Variants in LINGO2 observed in about 807,000 individuals in gnomAD.
LINGO2 encodes leucine-rich repeat and immunoglobulin-like domain-containing nogo receptor-interacting protein 2.
Under a neutral mutation model 30.6 loss-of-function variants are expected in LINGO2, and 14 were observed. The observed-to-expected ratio is 0.46, with a 90% CI of 0.30 to 0.72. LINGO2 has a LOEUF of 0.72. LINGO2 is among the 30% of genes least tolerant of loss of function. LINGO2 has a pLI of 0.07. For synonymous variants in LINGO2, 317 were observed against 288.5 expected (o/e 1.10, Z -1.00); for missense variants, 729 against 751.7 (o/e 0.97, Z 0.35).
At position 28,147,365 on chromosome 9, in the gene LINGO2, G is replaced by T. The variant is rs922385390; in HGVS notation, c.-86-134960C>A. On this transcript the variant is annotated intron_variant, in intron 4 of 5. Transcript: ENST00000379992. This position sits in a 1 kb window ranked among gnomAD's most constrained non-coding sequence, Gnocchi z 4.7. ...TTTGTAAAAAGTGGAGACCCTGCCT[G>T]CCAGGGAGGCATGTGGTAAGAGGCG... is the stretch of plus-strand genomic sequence containing the variant. 2.6e-5 allele frequency among the ~76,000 whole-genome samples: 4 copies of T among 152,216 alleles called. No individual in the cohort carries two copies. The highest frequency in any genetic ancestry group is 5.9e-5 in the Non-Finnish European group (4 of 68,022).
intron 1 of LINGO2, among the ~76,000 whole-genome samples, chr9:28,582,614 A>T (rs775063852): frequency 2.6e-5 from 4 of 152,058 alleles, no homozygotes; most frequent in Non-Finnish European, 4.4e-5. Context: ...CCACTCTAAC[A>T]TAGCTAAAGT....
At chr9:28,607,440 A>C (rs574346323) in intron 1 of LINGO2, among the ~76,000 whole-genome samples, 3 of 152,156 alleles carry the variant, frequency 2.0e-5, no homozygotes, top group Non-Finnish European at 4.4e-5. Context: ...ACAAATGCTA[A>C]AAATAGAACT....
At chr9:28,718,913 T>C in the LINGO2 span, among the ~76,000 whole-genome samples, 1 of 152,184 alleles carries the variant, frequency 6.6e-6, no homozygotes, top group South Asian at 2.1e-4. Flanking sequence ...CTTCTAGGTC[T>C]GTAACACTGT....
At chr9:27,955,798 T>C (rs1048978538) in intron 5 of LINGO2, among the ~76,000 whole-genome samples, 5 of 152,106 alleles carry the variant, frequency 3.3e-5, no homozygotes, top group Admixed American at 2.6e-4. Flanking sequence ...TATATACCTA[T>C]ATATAGGGTA....
At chr9:28,064,746 C>T (rs989330456) in intron 4 of LINGO2, among the ~76,000 whole-genome samples, 1 of 152,088 alleles carries the variant, frequency 6.6e-6, no homozygotes, top group African/African-American at 2.4e-5. Flanking sequence ...AAGGGGCTCA[C>T]TTCCTAATTA....
chr9:29,213,396 G>A, the LINGO2 span, among the ~76,000 whole-genome samples: 1 of 152,162 alleles, frequency 6.6e-6, no homozygotes, highest in Non-Finnish European at 1.5e-5. Flanking sequence ...GCACAGCTTC[G>A]GAACACCGTC....
At chr9:29,106,695 T>A in the LINGO2 span, among the ~76,000 whole-genome samples, 6,264 of 152,248 alleles carry the variant, frequency 0.041, 197 homozygotes, top group Admixed American at 0.08. Context: ...ATAATTGTAT[T>A]AATAACTATT....
chr9:28,822,077 G>A, the LINGO2 span, among the ~76,000 whole-genome samples: 1 of 152,088 alleles, frequency 6.6e-6, no homozygotes. Flanking sequence ...ATGACTCATA[G>A]GTGGCCGAAC....
At chr9:28,461,266 C>T (rs1825069438) in intron 2 of LINGO2, among the ~76,000 whole-genome samples, 1 of 152,060 alleles carries the variant, frequency 6.6e-6, no homozygotes, top group Non-Finnish European at 1.5e-5. Flanking sequence ...AATTCTTGAT[C>T]TGCCTCACTA....
the LINGO2 span, among the ~76,000 whole-genome samples, chr9:29,175,631 A>T: frequency 2.0e-5 from 3 of 147,460 alleles, no homozygotes; most frequent in Non-Finnish European, 4.4e-5. Context: ...GGTTCAAGCG[A>T]TTATCCTGTC....
the LINGO2 span, among the ~76,000 whole-genome samples, chr9:28,809,436 C>T: frequency 2.0e-5 from 3 of 152,176 alleles, no homozygotes; most frequent in African/African-American, 7.2e-5. Flanking sequence ...CTAGCACTGC[C>T]TGGGTGATCT....
chr9:28,467,038 G>GC (rs923366088), intron 2 of LINGO2, among the ~76,000 whole-genome samples: 1 of 149,484 alleles, frequency 6.7e-6, no homozygotes, highest in Non-Finnish European at 1.5e-5. Context: ...TTTTTTTTGG[G>GC]GGGGGGGGAC....
At chr9:28,179,452 T>C (rs993605546) in intron 4 of LINGO2, among the ~76,000 whole-genome samples, 2 of 138,328 alleles carry the variant, frequency 1.4e-5, no homozygotes, top group South Asian at 2.2e-4. Flanking sequence ...AGTATACATA[T>C]ACTATAGTGT....
At chr9:28,753,863 A>G in the LINGO2 span, among the ~76,000 whole-genome samples, 118 of 152,192 alleles carry the variant, frequency 7.8e-4, 1 homozygote, top group African/African-American at 2.7e-3. Flanking sequence ...ACGTATGTAA[A>G]GCACCTAGCA....
At chr9:29,131,706 A>G in the LINGO2 span, among the ~76,000 whole-genome samples, 1 of 151,986 alleles carries the variant, frequency 6.6e-6, no homozygotes, top group African/African-American at 2.4e-5. Flanking sequence ...CATCAATGTA[A>G]CTATGCCCTA....
intron 1 of LINGO2, among the ~76,000 whole-genome samples, chr9:28,569,541 C>G (rs1047780703): frequency 8.0e-5 from 12 of 149,678 alleles, no homozygotes; most frequent in Admixed American, 4.7e-4. Flanking sequence ...CACAGAAAGA[C>G]AAATATTGTA....
At chr9:28,364,113 T>C (rs2134524429) in intron 3 of LINGO2, among the ~76,000 whole-genome samples, 1 of 152,300 alleles carries the variant, frequency 6.6e-6, no homozygotes, top group East Asian at 1.9e-4. Context: ...ATAGTCATAA[T>C]TCTAAACTCC....
At chr9:28,616,823 G>C (rs1826150325) in intron 1 of LINGO2, among the ~76,000 whole-genome samples, 1 of 152,150 alleles carries the variant, frequency 6.6e-6, no homozygotes. Flanking sequence ...TGTGATGCTT[G>C]GAGTTTTGTT....
chr9:28,378,305 A>T (rs1821210998), intron 2 of LINGO2, among the ~76,000 whole-genome samples: 1 of 152,156 alleles, frequency 6.6e-6, no homozygotes, highest in Non-Finnish European at 1.5e-5. Context: ...TTAGTGGACA[A>T]AAGGTTATTT....
Sources: gnomAD v4.1 joint callset for allele counts (sites outside exome capture counted in the v4.1 genomes callset) on GRCh38, gnomAD v4.1.1 for gene constraint, Gnocchi (gnomAD v3.1) non-coding constraint, MANE v1.5 for transcripts, NCBI Gene and HGNC (gene_info 2026-07-23, HGNC 2026-07-21) for gene names.